CNTN5: variants seen among roughly 807,000 people sequenced by gnomAD.
CNTN5 encodes contactin-5.
A neutral mutation model predicts 129.1 loss-of-function variants in CNTN5; 77 were observed. The observed-to-expected ratio is 0.60, with a 90% confidence interval of 0.50 to 0.72. The LOEUF (loss-of-function observed/expected upper bound fraction) is 0.72, where lower values mean the gene tolerates loss of function less well. Among genes scored for constraint, CNTN5 ranks in the 30% least tolerant of loss-of-function variants. The pLI, the probability that CNTN5 is intolerant of heterozygous loss-of-function variation, is 0.00. For missense variants in CNTN5, 1,478 were observed against 1,328.8 expected, an observed-to-expected ratio of 1.11 and a Z score of -1.75; for synonymous variants, 509 against 465.6, an observed-to-expected ratio of 1.09 and a Z score of -1.20.
At chr11:99,225,439 T>A (rs975277399) in intron 1 of CNTN5, among the ~76,000 whole-genome samples, 1 of 152,190 alleles carries the variant, frequency 6.6e-6, no homozygotes, top group Admixed American at 6.5e-5. Context: ...AACATAATTT[T>A]TCACGCAGCA....
intron 2 of CNTN5, among the ~76,000 whole-genome samples, chr11:99,502,723 AG>A (rs1181268823): frequency 1.3e-5 from 2 of 152,204 alleles, no homozygotes; most frequent in African/African-American, 4.8e-5. Flanking sequence ...TTTCAACAAA[AG>A]CACAGTTATG....
intron 1 of CNTN5, among the ~76,000 whole-genome samples, chr11:99,223,984 G>A (rs139690116): frequency 1.3e-3 from 196 of 152,054 alleles, no homozygotes; most frequent in Non-Finnish European, 2.0e-3. Flanking sequence ...TTTCTTCTCC[G>A]CATACACTCT....
intron 2 of CNTN5, among the ~76,000 whole-genome samples, chr11:99,396,959 T>A (rs2136201173): frequency 6.6e-6 from 1 of 151,814 alleles, no homozygotes; most frequent in Non-Finnish European, 1.5e-5. Context: ...GCTTAAGAAG[T>A]ATTGTCATTC....
intron 1 of CNTN5, among the ~76,000 whole-genome samples, chr11:99,216,520 G>A (rs1035247072): frequency 2.6e-5 from 4 of 151,996 alleles, no homozygotes; most frequent in Admixed American, 6.6e-5. Flanking sequence ...ATACCCAGCT[G>A]TGGAAATGCT....
At chr11:99,100,396 A>G (rs1866669430) in intron 1 of CNTN5, among the ~76,000 whole-genome samples, 1 of 152,124 alleles carries the variant, frequency 6.6e-6, no homozygotes, top group Admixed American at 6.6e-5. Context: ...AACTTAAATA[A>G]ATGTTAGCTT....
chr11:99,847,464 T>C lies in CNTN5; in HGVS notation c.577+2202T>C, dbSNP rs115278674. On this transcript the variant is annotated intron_variant, in intron 6 of 24. Coordinates refer to ENST00000524871, the MANE Select transcript of CNTN5 (RefSeq NM_014361.4). ...TTAACTTAAGCATTATGGGCTTACA[T>C]AGGTATTCAGTGGTAGCACCTTATG... Among the ~76,000 whole-genome samples the C allele has an allele frequency of 1.4e-3, 209 of 152,302 alleles. 1 individual carries two copies. Among genetic ancestry groups the C allele is most frequent in the African/African-American group, 4.9e-3 (202 of 41,564 alleles).
intron 13 of CNTN5, among the ~76,000 whole-genome samples, chr11:100,171,168 G>T (rs1947815457): frequency 6.6e-6 from 1 of 151,958 alleles, no homozygotes; most frequent in South Asian, 2.1e-4. Flanking sequence ...AATAAAATGA[G>T]TTCTTTTAAT....
At chr11:99,198,850 A>G (rs1859031242) in intron 1 of CNTN5, among the ~76,000 whole-genome samples, 1 of 152,170 alleles carries the variant, frequency 6.6e-6, no homozygotes, top group African/African-American at 2.4e-5. Flanking sequence ...TGATCCCAAC[A>G]TGATAGAAAC....
intron 1 of CNTN5, among the ~76,000 whole-genome samples, chr11:99,062,872 C>A (rs373533749): frequency 3.0e-4 from 45 of 151,970 alleles, no homozygotes; most frequent in African/African-American, 1.0e-3. Context: ...TTGTTAAATT[C>A]AGTATTTTAA....
chr11:100,029,570 G>C (rs955619172), intron 9 of CNTN5, among the ~76,000 whole-genome samples: 1 of 150,874 alleles, frequency 6.6e-6, no homozygotes, highest in Non-Finnish European at 1.5e-5. Flanking sequence ...GCAACAGCGA[G>C]ACTCCATCTC....
chr11:99,041,844 C>T (rs1863994919), intron 1 of CNTN5, among the ~76,000 whole-genome samples: 1 of 152,062 alleles, frequency 6.6e-6, no homozygotes. Flanking sequence ...GACTGATAAG[C>T]CCTAATCTGG....
chr11:99,685,779 T>A lies in CNTN5; in HGVS notation c.55+129510T>A, dbSNP rs114094589. Among the ~76,000 whole-genome samples, 548 of 152,134 alleles carry A rather than the reference T, an allele frequency of 3.6e-3. 2 individuals are homozygous for A. The highest frequency in any genetic ancestry group is 0.012 in the African/African-American group (514 of 41,574). ...AAGGCTGACGGTCCTTGCATTTTAA[T>A]ATATTTTCTGTTTAATTTCCTACTG... is the stretch of plus-strand genomic sequence containing the variant. On this transcript the variant is annotated intron_variant, in intron 3 of 24. Transcript: ENST00000524871.
At chr11:99,312,092 A>C (rs1195138866) in intron 1 of CNTN5, among the ~76,000 whole-genome samples, 3 of 152,198 alleles carry the variant, frequency 2.0e-5, no homozygotes, top group African/African-American at 7.2e-5. Flanking sequence ...CGTGATATGA[A>C]ATATCAGAAA....
chr11:99,838,438 T>C (rs1947373357), intron 4 of CNTN5, among the ~76,000 whole-genome samples: 1 of 152,198 alleles, frequency 6.6e-6, no homozygotes, highest in Non-Finnish European at 1.5e-5. Flanking sequence ...ACAATTAATA[T>C]AGGGAGAGGA....
intron 3 of CNTN5, among the ~76,000 whole-genome samples, chr11:99,750,643 A>G (rs1471083733): frequency 6.6e-6 from 1 of 152,190 alleles, no homozygotes. Context: ...TGTTGCCAGA[A>G]TCTAACTAAA....
intron 1 of CNTN5, among the ~76,000 whole-genome samples, chr11:99,267,097 A>G (rs1862935635): frequency 6.6e-6 from 1 of 152,064 alleles, no homozygotes; most frequent in African/African-American, 2.4e-5. Context: ...AATGGTAATA[A>G]CATGGAGAAG....
chr11:99,023,490 G>T (rs1862977097), intron 1 of CNTN5, among the ~76,000 whole-genome samples: 1 of 152,136 alleles, frequency 6.6e-6, no homozygotes, highest in African/African-American at 2.4e-5. Context: ...AAGCATTTTG[G>T]AGTTTGTCTT....
At chr11:99,881,480 A>G (rs1948770160) in intron 6 of CNTN5, among the ~76,000 whole-genome samples, 1 of 152,214 alleles carries the variant, frequency 6.6e-6, no homozygotes, top group Non-Finnish European at 1.5e-5. Flanking sequence ...TACATTAGTT[A>G]TGCTTTTTAA....
intron 7 of CNTN5, among the ~76,000 whole-genome samples, chr11:99,917,729 A>C (rs901325065): frequency 1.3e-5 from 2 of 152,180 alleles, no homozygotes; most frequent in East Asian, 3.9e-4. Flanking sequence ...ATAGAAGTCA[A>C]AACTTCGGGA....
Sources: gnomAD v4.1 joint callset for allele counts (sites outside exome capture counted in the v4.1 genomes callset) on GRCh38, gnomAD v4.1.1 for gene constraint, MANE v1.5 for transcripts, NCBI Gene and HGNC (gene_info 2026-07-23, HGNC 2026-07-21) for gene names.